The following RARS2 variants were observed in gnomAD, a reference collection of about 807,000 sequenced individuals.
RARS2 encodes probable arginine--tRNA ligase, mitochondrial.
A neutral mutation model predicts 88.5 loss-of-function variants in RARS2; 67 were observed. That is an observed-to-expected ratio of 0.76 (90% CI 0.62 to 0.93). The LOEUF (loss-of-function observed/expected upper bound fraction) is 0.93, where lower values mean the gene tolerates loss of function less well. Ranked by LOEUF, RARS2 falls within the 40% of genes least tolerant of loss-of-function variation. RARS2 has a pLI of 0.00. For synonymous variants in RARS2, 239 were observed against 230.3 expected (o/e 1.04, Z -0.34); for missense variants, 664 against 684.2 (o/e 0.97, Z 0.33).
At chr6:87,580,475 AAAGC>A (rs1164564092) in intron 1 of RARS2, among the ~76,000 whole-genome samples, 1 of 152,114 alleles carries the variant, frequency 6.6e-6, no homozygotes, top group Admixed American at 6.5e-5. Context: ...TCTGAGGTTG[AAAGC>A]AAGAAGCACT....
At chr6:87,566,789 T>G (rs1767980221) in intron 2 of RARS2, among the ~76,000 whole-genome samples, 1 of 133,342 alleles carries the variant, frequency 7.5e-6, no homozygotes, top group South Asian at 2.3e-4. Flanking sequence ...AAGGCTGCAG[T>G]AAGCCGTGAT....
rs754062857 is a variant in RARS2 at position 87,589,975 on chromosome 6, T to C, written c.-18A>G. The C allele has an allele frequency of 1.9e-6, 3 of 1,614,094 alleles. No individual in the cohort carries two copies. Among genetic ancestry groups the C allele is most frequent in the Admixed American group, 1.7e-5 (1 of 60,010 alleles). ...CACGCCATGTCCACCTCTACGGAAG[T>C]GCGCCGCAGTCCGCCAGTTCCGGCC... On this transcript the variant is annotated 5_prime_UTR_variant, in exon 1 of 20. Transcript: ENST00000369536.
chr6:87,537,272 G>A (rs1779482996), intron 8 of RARS2, among the ~76,000 whole-genome samples: 1 of 152,216 alleles, frequency 6.6e-6, no homozygotes, highest in South Asian at 2.1e-4. Context: ...AGGGATGAAA[G>A]AAAGGAAAAT....
At chr6:87,556,018 C>T (rs1379076313) in intron 4 of RARS2, among the ~76,000 whole-genome samples, 3 of 152,158 alleles carry the variant, frequency 2.0e-5, no homozygotes, top group Non-Finnish European at 4.4e-5. Context: ...AGAACTTTTC[C>T]ACTTCACAGT....
intron 1 of RARS2, among the ~76,000 whole-genome samples, chr6:87,587,645 T>TA (rs1775571998): frequency 6.6e-6 from 1 of 152,214 alleles, no homozygotes; most frequent in Non-Finnish European, 1.5e-5. Context: ...TCTCTGTGGA[T>TA]CTCAACTGAC....
intron 6 of RARS2, among the ~76,000 whole-genome samples, chr6:87,548,171 A>G (rs1783186085): frequency 6.6e-6 from 1 of 152,160 alleles, no homozygotes; most frequent in Non-Finnish European, 1.5e-5. Flanking sequence ...TGAACCTGGG[A>G]GGCAGAGGTT....
intron 7 of RARS2, among the ~76,000 whole-genome samples, chr6:87,542,572 A>G (rs1781325357): frequency 6.6e-6 from 1 of 151,986 alleles, no homozygotes; most frequent in Non-Finnish European, 1.5e-5. Flanking sequence ...AGCAACAAAA[A>G]TCTTTAATTT....
Position 87,575,225 on chromosome 6 carries a change from GCACACACACACACACACACA to G in RARS2, c.37-5655_37-5636del, listed in dbSNP as rs58168335. On this transcript the variant is annotated intron_variant, in intron 1 of 19. Coordinates refer to ENST00000369536, the MANE Select transcript of RARS2 (RefSeq NM_020320.5). ...AGAGATGAACCCTAAAAAATAGAAA[GCACACACACACACACACACA>G]CACACACACACACACACACACACAC... Among the ~76,000 whole-genome samples, 98 of 114,638 alleles carry G rather than the reference GCACACACACACACACACACA, an allele frequency of 8.5e-4. 1 individual carries two copies. The highest frequency in any genetic ancestry group is 4.9e-3 in the Admixed American group (52 of 10,546). The allele number at this position is 114,638 out of a possible 152,430, so 75.2% of individuals were successfully genotyped here.
chr6:87,564,699 TA>T, intron 2 of RARS2: 2 of 242,714 alleles, frequency 8.2e-6, no homozygotes, highest in Non-Finnish European at 1.6e-5. Context: ...AATAAATAAA[TA>T]AAAAACAAAA....
intron 11 of RARS2, among the ~76,000 whole-genome samples, chr6:87,523,521 AAG>A (rs965414424): frequency 1.1e-4 from 17 of 152,348 alleles, no homozygotes; most frequent in African/African-American, 3.6e-4. Flanking sequence ...TCAAAGAAAA[AAG>A]AGAAAGTACA....
At chr6:87,571,889 T>C (rs1161763812) in intron 1 of RARS2, among the ~76,000 whole-genome samples, 1 of 152,182 alleles carries the variant, frequency 6.6e-6, no homozygotes, top group African/African-American at 2.4e-5. Context: ...AAGTTTCCTC[T>C]CAGGGTACAA....
At chr6:87,564,488 C>G in intron 2 of RARS2, 1 of 432,548 alleles carries the variant, frequency 2.3e-6, no homozygotes, top group East Asian at 4.9e-5. Flanking sequence ...AAAACCCCAT[C>G]TCTACTAAAA....
At chr6:87,559,463 CAAAAAAAA>C (rs753856335) in intron 4 of RARS2, among the ~76,000 whole-genome samples, 8 of 93,282 alleles carry the variant, frequency 8.6e-5, no homozygotes, top group African/African-American at 2.7e-4. Context: ...AACTCTGTCT[CAAAAAAAA>C]AAAAAAAAAA....
chr6:87,581,100 T>A (rs1033991224), intron 1 of RARS2, among the ~76,000 whole-genome samples: 1 of 152,216 alleles, frequency 6.6e-6, no homozygotes, highest in African/African-American at 2.4e-5. Flanking sequence ...AGTACTCAGA[T>A]AACTGAGCAC....
At chr6:87,532,297 T>A (rs1483794036) in intron 8 of RARS2, among the ~76,000 whole-genome samples, 1 of 152,240 alleles carries the variant, frequency 6.6e-6, no homozygotes. Context: ...GGTTGGCCAC[T>A]GGCTGGCATC....
intron 6 of RARS2, among the ~76,000 whole-genome samples, chr6:87,547,802 C>G (rs923562519): frequency 2.0e-5 from 3 of 151,810 alleles, no homozygotes; most frequent in Non-Finnish European, 4.4e-5. Flanking sequence ...ATCACACCAG[C>G]TGATTTTTTG....
chr6:87,580,659 G>A (rs890414522), intron 1 of RARS2, among the ~76,000 whole-genome samples: 26 of 151,400 alleles, frequency 1.7e-4, no homozygotes, highest in Admixed American at 2.0e-4. Flanking sequence ...CTATATCTCA[G>A]TATATTGCCC....
chr6:87,589,947 CCGCA>C lies in RARS2; in HGVS notation c.7_10del (p.Cys3AlafsTer14). 6.2e-7 allele frequency: 1 copy of C among 1,614,178 alleles called. No individual in the cohort carries two copies. The highest frequency in any genetic ancestry group is 1.3e-5 in the African/African-American group (1 of 75,074). The stretch of plus-strand genomic sequence containing the variant: ...CTGGCAAGCAATAGCGCGGCGAAAG[CCGCA>C]CGCCATGTCCACCTCTACGGAAGTG... On this transcript the variant is annotated frameshift_variant, in exon 1 of 20. Transcript: ENST00000369536. LOFTEE classifies it high-confidence loss of function.
intron 9 of RARS2, 33 bp from the exon 10 acceptor site, chr6:87,529,681 A>G: frequency 3.4e-6 from 5 of 1,464,470 alleles, no homozygotes; most frequent in Non-Finnish European, 4.8e-6. Flanking sequence ...AGACAAAGAA[A>G]TGTTAATTGA....
Sources: gnomAD v4.1 joint callset for allele counts (sites outside exome capture counted in the v4.1 genomes callset) on GRCh38, gnomAD v4.1.1 for gene constraint, MANE v1.5 for transcripts, NCBI Gene and HGNC (gene_info 2026-07-23, HGNC 2026-07-21) for gene names.